FGGY: variants seen among roughly 807,000 people sequenced by gnomAD.
The protein encoded by FGGY is FGGY carbohydrate kinase domain-containing protein.
Under a neutral mutation model 71.3 loss-of-function variants are expected in FGGY, and 72 were observed. The ratio of observed to expected loss-of-function variants is 1.01; its 90% CI spans 0.84 to 1.23. The LOEUF (loss-of-function observed/expected upper bound fraction) is 1.23. FGGY is among the 50% of genes most tolerant of loss of function. The probability of loss-of-function intolerance (pLI) is 0.00; values close to 1 mark genes in which losing one functional copy is unlikely to be tolerated. For missense variants in FGGY, 668 were observed against 682.3 expected (o/e 0.98, Z 0.23); for synonymous variants, 251 against 250.3 (o/e 1.00, Z -0.02).
chr1:59,344,547 A>G (rs1437480860), intron 3 of FGGY, among the ~76,000 whole-genome samples: 2 of 152,168 alleles, frequency 1.3e-5, no homozygotes, highest in African/African-American at 2.4e-5. Flanking sequence ...ACATATGTGT[A>G]TACCCACAAC....
Position 59,638,479 on chromosome 1 carries a change from GC to G in FGGY, c.1221+106del, listed in dbSNP as rs1484371573. On this transcript the variant is annotated intron_variant, in intron 11 of 15. Transcript: ENST00000303721. Reference sequence around the variant, plus strand: ...AAAGGAAAAGAAAAAAATAAAACAGGCCAACAGCCCTCTGGCTTTGTGCAGA... The same window carrying G: ...AAAGGAAAAGAAAAAAATAAAACAGGCAACAGCCCTCTGGCTTTGTGCAGA... 12 of 1,375,538 alleles carry G rather than the reference GC, an allele frequency of 8.7e-6. No individual in the cohort carries two copies. The East Asian group carries it at 2.8e-4, about 32-fold the overall frequency. The allele number at this position is 1,375,538 out of a possible 1,614,324, so 85.2% of individuals were successfully genotyped here.
At chr1:59,668,296 G>C (rs1211127264) in intron 13 of FGGY, among the ~76,000 whole-genome samples, 1 of 152,120 alleles carries the variant, frequency 6.6e-6, no homozygotes, top group Non-Finnish European at 1.5e-5. Context: ...GTCTCCTGGG[G>C]ACTGGAGACC....
At chr1:59,590,455 T>G in intron 8 of FGGY, among the ~76,000 whole-genome samples, 1 of 152,176 alleles carries the variant, frequency 6.6e-6, no homozygotes, top group Non-Finnish European at 1.5e-5. Flanking sequence ...AGAATCATCC[T>G]GATACCAAAG....
At chr1:59,342,272 T>C (rs912845106) in intron 3 of FGGY, among the ~76,000 whole-genome samples, 2 of 152,170 alleles carry the variant, frequency 1.3e-5, no homozygotes, top group South Asian at 2.1e-4. Context: ...GTAAGTCTAG[T>C]ATGTAGAGAA....
chr1:59,676,289 T>C (rs899558486), intron 14 of FGGY, among the ~76,000 whole-genome samples: 3 of 152,150 alleles, frequency 2.0e-5, no homozygotes, highest in Admixed American at 1.3e-4. Flanking sequence ...AGAAGCAGAA[T>C]TGAAATGAAG....
intron 8 of FGGY, among the ~76,000 whole-genome samples, chr1:59,554,900 G>C (rs547435983): frequency 6.6e-6 from 1 of 152,154 alleles, no homozygotes; most frequent in Non-Finnish European, 1.5e-5. Flanking sequence ...TTAAATCGAC[G>C]ACTCTTTGGA....
At chr1:59,301,547 A>G (rs1391423860) in intron 1 of FGGY, among the ~76,000 whole-genome samples, 3 of 152,030 alleles carry the variant, frequency 2.0e-5, no homozygotes, top group African/African-American at 7.2e-5. Flanking sequence ...TCATTTTTTC[A>G]TTATTAAGTA....
chr1:59,640,242 T>C (rs1016684547), intron 11 of FGGY, among the ~76,000 whole-genome samples: 8 of 152,170 alleles, frequency 5.3e-5, no homozygotes, highest in African/African-American at 1.7e-4. Flanking sequence ...AAGGAGAAGA[T>C]GACCTAAATA....
chr1:59,324,447 T>C (rs996644341), intron 2 of FGGY, among the ~76,000 whole-genome samples: 41 of 150,564 alleles, frequency 2.7e-4, no homozygotes, highest in Admixed American at 9.3e-4. Context: ...CGGCTAATTT[T>C]TTGTATTTTT....
intron 6 of FGGY, among the ~76,000 whole-genome samples, chr1:59,473,577 A>T (rs925959439): frequency 7.9e-5 from 12 of 152,164 alleles, no homozygotes; most frequent in African/African-American, 2.4e-4. Context: ...AAGAGTGCAG[A>T]GTGTGTGTGA....
intron 14 of FGGY, 74 bp from the exon 15 acceptor site, chr1:59,757,857 G>T: frequency 1.0e-6 from 1 of 998,076 alleles, no homozygotes; most frequent in Non-Finnish European, 1.6e-6. Flanking sequence ...AAATTAGAAT[G>T]TTTTGCCTGT....
chr1:59,622,646 A>G (rs1185256789), intron 9 of FGGY, among the ~76,000 whole-genome samples: 4 of 152,052 alleles, frequency 2.6e-5, no homozygotes, highest in African/African-American at 9.7e-5. Flanking sequence ...TTCCCTTTCT[A>G]TGGCTCTCTC....
chr1:59,368,873 C>G (rs1477382165), intron 4 of FGGY, among the ~76,000 whole-genome samples: 2 of 151,932 alleles, frequency 1.3e-5, no homozygotes, highest in African/African-American at 4.8e-5. Flanking sequence ...GGGTGGATCA[C>G]AAGGTCAGGA....
intron 14 of FGGY, among the ~76,000 whole-genome samples, chr1:59,728,886 T>C (rs141019201): frequency 6.6e-5 from 10 of 152,256 alleles, no homozygotes; most frequent in African/African-American, 2.4e-4. Context: ...TATTCTACTT[T>C]GTGTTCTCTG....
chr1:59,370,724 A>G (rs2057458370), intron 4 of FGGY, among the ~76,000 whole-genome samples: 1 of 151,714 alleles, frequency 6.6e-6, no homozygotes, highest in Non-Finnish European at 1.5e-5. Context: ...GAAACTCTAC[A>G]AGCCAGAAGA....
chr1:59,419,982 A>C (rs148098105), intron 5 of FGGY, among the ~76,000 whole-genome samples: 136 of 152,328 alleles, frequency 8.9e-4, no homozygotes, highest in African/African-American at 3.0e-3. Context: ...TCTGAAGTTT[A>C]ATTCAAAATG....
At chr1:59,370,468 C>T (rs1197256174) in intron 4 of FGGY, among the ~76,000 whole-genome samples, 1 of 152,180 alleles carries the variant, frequency 6.6e-6, no homozygotes, top group African/African-American at 2.4e-5. Context: ...TGGAACCAAA[C>T]TGAAAAACAC....
At chr1:59,501,884 C>T (rs1460471742) in intron 6 of FGGY, among the ~76,000 whole-genome samples, 4 of 152,288 alleles carry the variant, frequency 2.6e-5, no homozygotes, top group South Asian at 2.1e-4. Context: ...TTTGTAAGCT[C>T]GGCCAGAATG....
At chr1:59,462,272 T>C (rs1380891610) in intron 6 of FGGY, among the ~76,000 whole-genome samples, 1 of 152,196 alleles carries the variant, frequency 6.6e-6, no homozygotes, top group Non-Finnish European at 1.5e-5. Flanking sequence ...AAGCTGAAAC[T>C]GGATCCCTTC....
Sources: gnomAD v4.1 joint callset for allele counts (sites outside exome capture counted in the v4.1 genomes callset) on GRCh38, gnomAD v4.1.1 for gene constraint, MANE v1.5 for transcripts, NCBI Gene and HGNC (gene_info 2026-07-23, HGNC 2026-07-21) for gene names.